Variants in C7 observed in about 807,000 individuals in gnomAD.
C7 encodes the protein complement C7.
In C7, 83 loss-of-function variants were observed where a neutral mutation model predicts 104.8. That is an observed-to-expected ratio of 0.79 (90% CI 0.66 to 0.95). C7 has a LOEUF of 0.95. Ranked by LOEUF, C7 falls within the 40% of genes least tolerant of loss-of-function variation. C7 has a pLI of 0.00. For synonymous variants in C7, 415 were observed against 360.6 expected (o/e 1.15, Z -1.71); for missense variants, 1,070 against 1,011.2 (o/e 1.06, Z -0.79).
In C7 at chr5:40,981,877, T is replaced by C; in HGVS notation, c.*304T>C. On this transcript the variant is annotated 3_prime_UTR_variant, in exon 18 of 18. Transcript: ENST00000313164. ...TTTTAAAATCTGTAAAATTAGAGGA[T>C]TGCACTAGAGAAACTTGAATGCTCC... is the stretch of plus-strand genomic sequence containing the variant. 1 of 230,108 alleles carries C rather than the reference T, an allele frequency of 4.3e-6. No homozygotes were observed. The highest frequency in any genetic ancestry group is 8.5e-6 in the Non-Finnish European group (1 of 118,172). 14.3% of individuals were successfully genotyped at this position (230,108 alleles called of 1,614,324 possible).
chr5:40,958,923 G>T (rs565718289), intron 11 of C7, among the ~76,000 whole-genome samples: 2 of 152,038 alleles, frequency 1.3e-5, no homozygotes, highest in Non-Finnish European at 2.9e-5. Context: ...CTAAATGAAC[G>T]ATAAATGAAT....
chr5:40,973,496 C>A (rs182674631), intron 15 of C7, among the ~76,000 whole-genome samples: 1 of 152,108 alleles, frequency 6.6e-6, no homozygotes, highest in African/African-American at 2.4e-5. Flanking sequence ...GTTCTCCATG[C>A]GACAGGGTAT....
chr5:40,914,483 C>T (rs1045212112), intron 1 of C7, among the ~76,000 whole-genome samples: 1 of 152,080 alleles, frequency 6.6e-6, no homozygotes, highest in African/African-American at 2.4e-5. Flanking sequence ...TTCCATTTGT[C>T]TAATCTTGTT....
Position 40,958,962 on chromosome 5 carries a change from T to C in C7, c.1490-487T>C, listed in dbSNP as rs539702231. ...TATAAGACTAAACTATAGAGGCTTA[T>C]ATACAAGCATTACAAAGGCATCCTT... On this transcript the variant is annotated intron_variant, in intron 11 of 17. Coordinates refer to ENST00000313164, the MANE Select transcript of C7 (RefSeq NM_000587.4). Among the ~76,000 whole-genome samples the C allele has an allele frequency of 1.1e-4, 17 of 152,300 alleles. No individual in the cohort carries two copies. The South Asian group carries it at 3.1e-3, about 28-fold the overall frequency.
chr5:40,955,623 T>C, intron 10 of C7, 70 bp downstream of exon 10: 1 of 1,399,354 alleles, frequency 7.1e-7, no homozygotes, highest in Non-Finnish European at 9.9e-7. Flanking sequence ...CGAAGGTGGT[T>C]AAATCAAGAT....
At position 40,981,465 on chromosome 5, in the gene C7, G is replaced by A; in HGVS notation, c.2424G>A (p.Val808=). ...AAGGGTTTAGCATTTGTGTGGAAGT[G>A]AACGGCAAGGAGCAGACGATGTCTG... The part of the protein sequence containing the change: ...EEEGFSICVE[V]NGKEQTMSEC... The change falls in exon 18 of 18, where the codon GTG becomes GTA. Residue 808 remains valine (V), a synonymous_variant. Transcript: ENST00000313164. 2.5e-6 allele frequency: 4 copies of A among 1,613,746 alleles called. No homozygotes were observed. The South Asian group carries it at 4.4e-5, about 18-fold the overall frequency.
rs368572502 is a variant in C7, at chr5:40,958,089, A to G, written c.1317A>G (p.Leu439=). ...TACCTTGTGCCTCTGTGAAAAAACTATACCTGAAATGGGCTCTTGAAGAGT... is the reference window on the plus strand; with the variant it reads ...TACCTTGTGCCTCTGTGAAAAAACTGTACCTGAAATGGGCTCTTGAAGAGT... ...KEVPCASVKK[L]YLKWALEEYL... The change falls in exon 11 of 18, where the codon CTA becomes CTG. Residue 439 remains leucine (L), a synonymous_variant. Transcript: ENST00000313164. 5.0e-6 allele frequency: 8 copies of G among 1,613,770 alleles called. No individual in the cohort carries two copies. Among genetic ancestry groups the G allele is most frequent in the Admixed American group, 1.7e-5 (1 of 60,002 alleles).
At position 40,981,945 on chromosome 5, in the gene C7, T is replaced by C. The variant is rs10473231; in HGVS notation, c.*372T>C. 4.9e-4 allele frequency: 80 copies of C among 163,982 alleles called. 1 individual carries two copies. The highest frequency in any genetic ancestry group is 1.9e-3 in the African/African-American group (80 of 41,952). 10.2% of individuals were successfully genotyped at this position (163,982 alleles called of 1,614,324 possible). A position where few individuals can be genotyped will look rare whatever the true frequency, so the allele number is the denominator to read the frequency against. The stretch of plus-strand genomic sequence containing the variant: ...TATTAAGTATGATTGACACAGCCCA[T>C]GGGCCAGAACACACTCTACAAAATG... On this transcript the variant is annotated 3_prime_UTR_variant, in exon 18 of 18. Transcript: ENST00000313164.
At chr5:40,974,458 C>G (rs918829678) in intron 15 of C7, among the ~76,000 whole-genome samples, 2 of 150,756 alleles carry the variant, frequency 1.3e-5, no homozygotes, top group African/African-American at 2.5e-5. Flanking sequence ...TTCTGTCACC[C>G]AGGCTGGAGT....
At chr5:40,928,700 G>A in intron 2 of C7, 65 bp downstream of exon 2, 1 of 1,011,252 alleles carries the variant, frequency 9.9e-7, no homozygotes, top group Non-Finnish European at 1.5e-6. Context: ...TAATTCTTTA[G>A]TCTAATTTTG....
chr5:40,975,252 A>G (rs570757394), intron 15 of C7, among the ~76,000 whole-genome samples: 1 of 152,144 alleles, frequency 6.6e-6, no homozygotes, highest in Non-Finnish European at 1.5e-5. Flanking sequence ...TGACTAAACT[A>G]TACACTTTAT....
At chr5:40,971,785 A>T (rs1001140670) in intron 14 of C7, among the ~76,000 whole-genome samples, 4 of 152,138 alleles carry the variant, frequency 2.6e-5, no homozygotes, top group African/African-American at 9.7e-5. Context: ...GAAGGGGTCC[A>T]GTTTCTGTTT....
At chr5:40,961,540 G>A (rs1010547607) in intron 12 of C7, among the ~76,000 whole-genome samples, 4 of 151,902 alleles carry the variant, frequency 2.6e-5, no homozygotes, top group Non-Finnish European at 5.9e-5. Context: ...GTGCACCACT[G>A]TGCCCAGCTA....
intron 16 of C7, among the ~76,000 whole-genome samples, chr5:40,978,160 A>AAAG (rs1554044802): frequency 7.1e-6 from 1 of 140,394 alleles, no homozygotes; most frequent in African/African-American, 2.7e-5. Context: ...AAAAAAAAAA[A>AAAG]GAACCAAAAC....
chr5:40,944,784 G>T (rs1740010909), intron 6 of C7, among the ~76,000 whole-genome samples: 1 of 152,148 alleles, frequency 6.6e-6, no homozygotes, highest in South Asian at 2.1e-4. Flanking sequence ...CCAAAACAAA[G>T]TCCAAAAGAG....
chr5:40,925,139 G>A (rs1427435079), intron 1 of C7, among the ~76,000 whole-genome samples: 1 of 152,076 alleles, frequency 6.6e-6, no homozygotes, highest in Non-Finnish European at 1.5e-5. Context: ...TCCCTTTCAT[G>A]TATAAATTCC....
At chr5:40,921,599 T>C (rs28770188) in intron 1 of C7, among the ~76,000 whole-genome samples, 26,200 of 132,554 alleles carry the variant, frequency 0.2, 2,565 homozygotes, top group East Asian at 0.33. Flanking sequence ...ACAAAAGTAG[T>C]TTATACAAAA....
intron 6 of C7, among the ~76,000 whole-genome samples, chr5:40,942,670 A>G (rs1409638076): frequency 6.6e-6 from 1 of 152,094 alleles, no homozygotes; most frequent in East Asian, 1.9e-4. Context: ...AGAGAAATAA[A>G]GTATTGTTGG....
rs1005278608 is a variant in C7, at chr5:40,938,447, G to A, written c.567+757G>A. Among the ~76,000 whole-genome samples, 53 of 152,066 alleles carry A rather than the reference G, an allele frequency of 3.5e-4. 1 individual carries two copies. Among genetic ancestry groups the A allele is most frequent in the Admixed American group, 2.6e-3 (40 of 15,272 alleles). The stretch of plus-strand genomic sequence containing the variant: ...TGTTGCAGGTGGCATTTTTATTGCT[G>A]TTTCCAATTTTTTCTTATGAAAATG... On this transcript the variant is annotated intron_variant, in intron 6 of 17. Coordinates refer to ENST00000313164, the MANE Select transcript of C7 (RefSeq NM_000587.4).
Sources: gnomAD v4.1 joint callset for allele counts (sites outside exome capture counted in the v4.1 genomes callset) on GRCh38, gnomAD v4.1.1 for gene constraint, MANE v1.5 for transcripts, NCBI Gene and HGNC (gene_info 2026-07-23, HGNC 2026-07-21) for gene names.